C11orf97: variants seen among roughly 807,000 people sequenced by gnomAD.
C11orf97 encodes the protein chromosome 11 open reading frame 97, also known as uncharacterized protein C11orf97.
A neutral mutation model predicts 16.2 loss-of-function variants in C11orf97; 15 were observed. That is an observed-to-expected ratio of 0.93 (90% CI 0.62 to 1.43). The LOEUF is 1.43. Among genes scored for constraint, C11orf97 ranks in the 40% most tolerant of loss-of-function variants. C11orf97 has a pLI of 0.00. For missense variants in C11orf97, 171 were observed against 161.2 expected (o/e 1.06, Z -0.33); for synonymous variants, 61 against 65.7 (o/e 0.93, Z 0.34).
chr11:94,530,498 T>C (rs1947731366), intron 3 of C11orf97, among the ~76,000 whole-genome samples: 1 of 152,204 alleles, frequency 6.6e-6, no homozygotes, highest in South Asian at 2.1e-4. Context: ...CCATAGATAA[T>C]TTTCAAAAAT....
chr11:94,524,967 G>A (rs1028523430), intron 2 of C11orf97, among the ~76,000 whole-genome samples: 36 of 151,542 alleles, frequency 2.4e-4, no homozygotes, highest in African/African-American at 8.7e-4. Context: ...GCTGAGGCAG[G>A]AGAATTGCTT....
chr11:94,530,603 G>A (rs1246054182), intron 3 of C11orf97, among the ~76,000 whole-genome samples: 1 of 152,208 alleles, frequency 6.6e-6, no homozygotes, highest in Non-Finnish European at 1.5e-5. Flanking sequence ...ACAGTGCCTG[G>A]CACAGTAGGT....
rs1947712612 is a variant in C11orf97, at chr11:94,528,096, G to C, written c.263G>C (p.Gly88Ala). ...IKNPAAVALE[G>A]IWSIKRNLPV... is the part of the protein sequence containing the mutation. ...AAAATATTGACAGTGGCCCTGGAAG[G>C]GATTTGGAGCATTAAAAGGAATCTG... Residue 88 changes from glycine (G) to alanine (A), a missense_variant, in exon 3 of 4, where the codon GGG (glycine) becomes GCG (alanine). Physicochemically the swap from Gly to Ala is moderately conservative, Grantham distance 60. Transcript: ENST00000542198. 1 of 1,532,922 alleles carries C rather than the reference G, an allele frequency of 6.5e-7. No individual in the cohort carries two copies. Among genetic ancestry groups the C allele is most frequent in the African/African-American group, 1.4e-5 (1 of 72,870 alleles). 95.0% of individuals were successfully genotyped at this position (1,532,922 alleles called of 1,614,324 possible). A position where few individuals can be genotyped will look rare whatever the true frequency, so the allele number is the denominator to read the frequency against.
chr11:94,516,784 T>C (rs1389083188), intron 1 of C11orf97, among the ~76,000 whole-genome samples: 1 of 152,134 alleles, frequency 6.6e-6, no homozygotes, highest in East Asian at 1.9e-4. Context: ...AGAAGTTATA[T>C]AGGCAAAACC....
Position 94,529,939 on chromosome 11 carries a change from C to T in C11orf97, c.376+1730C>T, listed in dbSNP as rs182826940. Among the ~76,000 whole-genome samples, 14 of 152,270 alleles carry T rather than the reference C, an allele frequency of 9.2e-5. No homozygotes were observed. In the East Asian group the frequency reaches 2.3e-3, roughly 25 times the overall value. On this transcript the variant is annotated intron_variant, in intron 3 of 3. Coordinates refer to ENST00000542198, the MANE Select transcript of C11orf97 (RefSeq NM_001190462.2). Reference sequence around the variant, plus strand: ...AACTTTCCACTCAATTTCTTAGGTTCCACTTATTGTAGGTAATTCCATCAT... The same window carrying T: ...AACTTTCCACTCAATTTCTTAGGTTTCACTTATTGTAGGTAATTCCATCAT...
At position 94,512,492 on chromosome 11, in the gene C11orf97, GA is replaced by G; in HGVS notation, c.-34del. On this transcript the variant is annotated 5_prime_UTR_variant, in exon 1 of 4. Transcript: ENST00000542198. The stretch of plus-strand genomic sequence containing the variant: ...GGCTGCCTGCGACTGAGCTGAGAAG[GA>G]AACCGTGCCCAGGGCTCTCGGAAGA... 2 of 1,270,694 alleles carry G rather than the reference GA, an allele frequency of 1.6e-6. No homozygotes were observed. The highest frequency in any genetic ancestry group is 2.7e-5 in the South Asian group (1 of 37,130). 78.7% of individuals were successfully genotyped at this position (1,270,694 alleles called of 1,614,324 possible). A position where few individuals can be genotyped will look rare whatever the true frequency, so the allele number is the denominator to read the frequency against.
intron 3 of C11orf97, among the ~76,000 whole-genome samples, chr11:94,528,783 C>A (rs1947717924): frequency 6.6e-6 from 1 of 152,166 alleles, no homozygotes; most frequent in Non-Finnish European, 1.5e-5. Flanking sequence ...GTGGGGAAGA[C>A]AGAGGTCTTC....
chr11:94,531,794 C>T (rs1381372515), intron 3 of C11orf97, 102 bp from the exon 4 acceptor site: 12 of 974,208 alleles, frequency 1.2e-5, no homozygotes, highest in Non-Finnish European at 1.7e-5. Context: ...TCTGCTCAAT[C>T]AAATGGGAAC....
chr11:94,519,697 T>C (rs1947642711), intron 2 of C11orf97, among the ~76,000 whole-genome samples: 1 of 152,270 alleles, frequency 6.6e-6, no homozygotes, highest in South Asian at 2.1e-4. Context: ...ACAGAGGTAC[T>C]ATTTTAGCCT....
At chr11:94,522,425 T>C (rs1947664996) in intron 2 of C11orf97, among the ~76,000 whole-genome samples, 2 of 152,280 alleles carry the variant, frequency 1.3e-5, no homozygotes, top group Admixed American at 1.3e-4. Flanking sequence ...TAGTGCCAGC[T>C]ACTCGGGAGA....
intron 2 of C11orf97, among the ~76,000 whole-genome samples, chr11:94,527,837 A>G (rs981670890): frequency 6.6e-6 from 1 of 152,188 alleles, no homozygotes; most frequent in African/African-American, 2.4e-5. Context: ...CTATTCATCT[A>G]TTTATTTAGG....
At chr11:94,512,940 AATTAAC>A (rs1299454042) in intron 1 of C11orf97, among the ~76,000 whole-genome samples, 1 of 104,908 alleles carries the variant, frequency 9.5e-6, no homozygotes, top group African/African-American at 4.2e-5. Flanking sequence ...TTCTGAAAGG[AATTAAC>A]ACACACACAC....
chr11:94,518,817 G>A (rs181812958), intron 2 of C11orf97, among the ~76,000 whole-genome samples: 8 of 152,286 alleles, frequency 5.3e-5, no homozygotes, highest in Non-Finnish European at 1.0e-4. Flanking sequence ...CAACCTGCAA[G>A]TGAGGTCCAA....
At chr11:94,516,850 G>C (rs1001689418) in intron 1 of C11orf97, among the ~76,000 whole-genome samples, 1 of 152,202 alleles carries the variant, frequency 6.6e-6, no homozygotes, top group Non-Finnish European at 1.5e-5. Context: ...GGAATGAACA[G>C]AAGGGCCATG....
In C11orf97 at chr11:94,528,098, A is replaced by T. The variant is rs2135185291; in HGVS notation, c.265A>T (p.Ile89Phe). The T allele has an allele frequency of 6.5e-7, 1 of 1,534,662 alleles. No individual in the cohort carries two copies. The highest frequency in any genetic ancestry group is 2.4e-5 in the East Asian group (1 of 40,900). The change falls in exon 3 of 4, where the codon ATT becomes TTT. Residue 89 changes from isoleucine (I) to phenylalanine (F), a missense_variant. Ile to Phe is a conservative substitution (Grantham distance 21). Coordinates refer to ENST00000542198, the MANE Select transcript of C11orf97 (RefSeq NM_001190462.2). ...AATATTGACAGTGGCCCTGGAAGGG[A>T]TTTGGAGCATTAAAAGGAATCTGCC... ...KNPAAVALEG[I>F]WSIKRNLPVG...
chr11:94,531,550 C>T (rs1240103833), intron 3 of C11orf97, among the ~76,000 whole-genome samples: 1 of 116,456 alleles, frequency 8.6e-6, no homozygotes, highest in Admixed American at 9.5e-5. Flanking sequence ...AAAAAAAAAG[C>T]ATTGTCTAGT....
intron 2 of C11orf97, 89 bp from the exon 3 acceptor site, chr11:94,527,995 A>C: frequency 7.7e-7 from 1 of 1,299,784 alleles, no homozygotes; most frequent in South Asian, 1.6e-5. Context: ...CAAATAAATA[A>C]AAAAATCACC....
intron 3 of C11orf97, among the ~76,000 whole-genome samples, chr11:94,530,042 C>T (rs1034828424): frequency 2.0e-5 from 3 of 152,170 alleles, no homozygotes; most frequent in African/African-American, 7.2e-5. Context: ...GATTGAATAA[C>T]AAATTTCCTT....
rs1192669365 is a variant in C11orf97, at chr11:94,512,492, G to A, written c.-37G>A. On this transcript the variant is annotated 5_prime_UTR_variant, in exon 1 of 4. Transcript: ENST00000542198. ...GGCTGCCTGCGACTGAGCTGAGAAGGAAACCGTGCCCAGGGCTCTCGGAAG... is the reference window on the plus strand; with the variant it reads ...GGCTGCCTGCGACTGAGCTGAGAAGAAAACCGTGCCCAGGGCTCTCGGAAG... 8 of 1,270,576 alleles carry A rather than the reference G, an allele frequency of 6.3e-6. No individual in the cohort carries two copies. Among genetic ancestry groups the A allele is most frequent in the Non-Finnish European group, 7.9e-6 (8 of 1,007,724 alleles). The allele number at this position is 1,270,576 out of a possible 1,614,324, so 78.7% of individuals were successfully genotyped here.
Sources: gnomAD v4.1 joint callset for allele counts (sites outside exome capture counted in the v4.1 genomes callset) on GRCh38, gnomAD v4.1.1 for gene constraint, MANE v1.5 for transcripts, NCBI Gene and HGNC (gene_info 2026-07-23, HGNC 2026-07-21) for gene names.